Variants in PPFIA1 observed in about 807,000 individuals in gnomAD.
PPFIA1 encodes the protein PPFI scaffold protein A1, also known as liprin-alpha-1.
In PPFIA1, 25 loss-of-function variants were observed where a neutral mutation model predicts 149.9. The ratio of observed to expected loss-of-function variants is 0.17; its 90% CI spans 0.12 to 0.23. The LOEUF (loss-of-function observed/expected upper bound fraction) is 0.23, where lower values mean the gene tolerates loss of function less well. Ranked by LOEUF, PPFIA1 falls within the 10% of genes least tolerant of loss-of-function variation. The pLI is 1.00. For missense variants in PPFIA1, 1,362 were observed against 1,506.5 expected, an observed-to-expected ratio of 0.90 and a Z score of 1.59; for synonymous variants, 549 against 552.8, an observed-to-expected ratio of 0.99 and a Z score of 0.10.
At position 70,339,461 on chromosome 11, in the gene PPFIA1, C is replaced by G. The variant is rs1591272249; in HGVS notation, c.1707+155C>G. 18 of 1,007,030 alleles carry G rather than the reference C, an allele frequency of 1.8e-5. No individual in the cohort carries two copies. The East Asian group carries it at 4.8e-4, about 27-fold the overall frequency. The allele number at this position is 1,007,030 out of a possible 1,614,324, so 62.4% of individuals were successfully genotyped here. The stretch of plus-strand genomic sequence containing the variant: ...CTGACTAAGAGTTTAGCTTTTAGAG[C>G]ATTTTTTAAAATAGGGTTTTGTTTT... On this transcript the variant is annotated intron_variant, in intron 14 of 27. Transcript: ENST00000253925.
chr11:70,323,676 C>T (rs534803047), intron 2 of PPFIA1, among the ~76,000 whole-genome samples: 7 of 152,328 alleles, frequency 4.6e-5, no homozygotes, highest in Non-Finnish European at 7.3e-5. Flanking sequence ...ACCCTTAGAA[C>T]GATCTCCAGA....
intron 5 of PPFIA1, 32 bp downstream of exon 5, chr11:70,325,606 G>C (rs371759481): frequency 5.0e-6 from 6 of 1,191,640 alleles, no homozygotes; most frequent in African/African-American, 1.6e-5. Flanking sequence ...GAGTTGAATT[G>C]GGGGGGGGTT....
intron 21 of PPFIA1, among the ~76,000 whole-genome samples, chr11:70,369,304 T>G (rs1377505224): frequency 6.6e-6 from 1 of 151,440 alleles, no homozygotes; most frequent in African/African-American, 2.4e-5. Flanking sequence ...TTTCAAATGT[T>G]GAATCAACTT....
At chr11:70,375,203 C>G in intron 24 of PPFIA1, 110 bp downstream of exon 24, 1 of 290,568 alleles carries the variant, frequency 3.4e-6, no homozygotes, top group Non-Finnish European at 5.0e-6. Flanking sequence ...AAAAAAAAAA[C>G]TTCAGACAAC....
At chr11:70,359,498 T>C (rs1218446896) in intron 19 of PPFIA1, among the ~76,000 whole-genome samples, 1 of 152,168 alleles carries the variant, frequency 6.6e-6, no homozygotes, top group African/African-American at 2.4e-5. Flanking sequence ...GAGAGGGTCC[T>C]GCTCTGTCAC....
At chr11:70,293,409 T>C (rs896054812) in intron 2 of PPFIA1, among the ~76,000 whole-genome samples, 2 of 152,238 alleles carry the variant, frequency 1.3e-5, no homozygotes, top group African/African-American at 4.8e-5. Context: ...AACGTTAAAA[T>C]TTGCTAACCT....
chr11:70,334,861 T>G (rs894313930), intron 10 of PPFIA1, among the ~76,000 whole-genome samples: 2 of 152,210 alleles, frequency 1.3e-5, no homozygotes, highest in African/African-American at 4.8e-5. Context: ...ACTTGGGCGA[T>G]GAGGGCATGG....
intron 8 of PPFIA1, among the ~76,000 whole-genome samples, chr11:70,331,520 C>G (rs1328673575): frequency 2.0e-5 from 3 of 152,184 alleles, no homozygotes; most frequent in African/African-American, 7.2e-5. Context: ...TGGCGCACAC[C>G]TGTAATCCCA....
chr11:70,325,048 G>A (rs763172668), intron 4 of PPFIA1, 37 bp downstream of exon 4: 44 of 1,561,920 alleles, frequency 2.8e-5, no homozygotes, highest in Non-Finnish European at 3.5e-5. Flanking sequence ...TTGTGCACAT[G>A]CTGTGTATTA....
At chr11:70,354,596 T>G in intron 17 of PPFIA1, 144 bp downstream of exon 17, 1 of 908,064 alleles carries the variant, frequency 1.1e-6, no homozygotes, top group South Asian at 1.9e-5. Context: ...CATGTTACAC[T>G]TAGAATGCTT....
chr11:70,325,514 A>G lies in PPFIA1; in HGVS notation c.546A>G (p.Leu182=). The G allele has an allele frequency of 6.3e-7, 1 of 1,590,540 alleles. No individual in the cohort carries two copies. Among genetic ancestry groups the G allele is most frequent in the South Asian group, 1.1e-5 (1 of 90,602 alleles). ...TTTATTTTCAGGTGAGAGAGCGATT[A>G]CGAGTAGCACTTGAAAGATGTAGTT... is the stretch of plus-strand genomic sequence containing the variant. The part of the protein sequence containing the change: ...KALDEKVRER[L]RVALERCSLL... The change falls in exon 5 of 28, where the codon TTA becomes TTG. Residue 182 remains leucine, a synonymous_variant. Transcript: ENST00000253925.
chr11:70,296,378 C>T (rs1219380509), intron 2 of PPFIA1, among the ~76,000 whole-genome samples: 5 of 152,096 alleles, frequency 3.3e-5, no homozygotes, highest in Non-Finnish European at 7.4e-5. Context: ...CCACTGCACT[C>T]CAGCCTGGGC....
chr11:70,322,802 G>T (rs1481150985), intron 2 of PPFIA1, among the ~76,000 whole-genome samples: 1 of 152,240 alleles, frequency 6.6e-6, no homozygotes, highest in Middle Eastern at 3.4e-3. Flanking sequence ...CTAGATTCAT[G>T]TAGTGGAATG....
intron 14 of PPFIA1, among the ~76,000 whole-genome samples, chr11:70,342,936 CTTTTT>C (rs71463672): frequency 2.6e-5 from 2 of 78,176 alleles, no homozygotes; most frequent in African/African-American, 1.2e-4. Context: ...AATGTACCAC[CTTTTT>C]TTTTTTTTTT....
chr11:70,351,515 A>AT (rs1257097421), intron 16 of PPFIA1, among the ~76,000 whole-genome samples: 1 of 152,152 alleles, frequency 6.6e-6, no homozygotes, highest in East Asian at 1.9e-4. Context: ...ATTTTGAAAT[A>AT]TTTGCATTAC....
intron 2 of PPFIA1, among the ~76,000 whole-genome samples, chr11:70,295,507 G>T (rs1432218157): frequency 7.1e-6 from 1 of 140,862 alleles, no homozygotes; most frequent in African/African-American, 2.7e-5. Flanking sequence ...CGGGTGGGGG[G>T]GCTGACCCCC....
chr11:70,379,622 A>AAAT (rs564284667), intron 26 of PPFIA1, among the ~76,000 whole-genome samples: 16 of 151,720 alleles, frequency 1.1e-4, no homozygotes, highest in African/African-American at 2.4e-4. Flanking sequence ...AAAAAAAAAA[A>AAAT]AATAATAATT....
At chr11:70,296,886 G>T (rs1020183809) in intron 2 of PPFIA1, among the ~76,000 whole-genome samples, 1 of 152,166 alleles carries the variant, frequency 6.6e-6, no homozygotes, top group African/African-American at 2.4e-5. Context: ...CTCTGGGTCT[G>T]CGCTGTCCCC....
Position 70,325,556 on chromosome 11 carries a change from A to T in PPFIA1, c.588A>T (p.Leu196Phe), listed in dbSNP as rs1208615300. 2 of 1,580,912 alleles carry T rather than the reference A, an allele frequency of 1.3e-6. No individual in the cohort carries two copies. The highest frequency in any genetic ancestry group is 4.5e-5 in the East Asian group (2 of 44,682). ...GATGTAGTTTGTTAGAAGAGGAATT[A>T]GGTGCCACACACAAAGAGGTAAGCT... ...LERCSLLEEELGATHKELMIL... is the reference protein window; with the variant it reads ...LERCSLLEEEFGATHKELMIL... Residue 196 changes from leucine to phenylalanine, a missense_variant, in exon 5 of 28, where the codon TTA becomes TTT. By Grantham distance (22) the Leu-to-Phe change is conservative. Transcript: ENST00000253925.
Sources: allele counts gnomAD v4.1 joint callset (sites outside exome capture counted in the v4.1 genomes callset), GRCh38; gene constraint gnomAD v4.1.1; transcripts MANE v1.5; gene names NCBI Gene and HGNC (gene_info 2026-07-23, HGNC 2026-07-21).